The following MDGA2 variants were observed in gnomAD, a reference collection of about 807,000 sequenced individuals.
The protein encoded by MDGA2 is MAM domain containing glycosylphosphatidylinositol anchor 2, also known as MAM domain-containing glycosylphosphatidylinositol anchor protein 2.
MDGA2 carries 40 observed loss-of-function variants against 117.8 expected under a neutral mutation model. The ratio of observed to expected loss-of-function variants is 0.34; its 90% CI spans 0.26 to 0.44. The LOEUF (loss-of-function observed/expected upper bound fraction) is 0.44. MDGA2 is among the 20% of genes least tolerant of loss of function. The pLI, the probability that MDGA2 is intolerant of heterozygous loss-of-function variation, is 1.00. For missense variants in MDGA2, 1,123 were observed against 1,250.6 expected (o/e 0.90, Z 1.54); for synonymous variants, 452 against 439.0 (o/e 1.03, Z -0.37).
chr14:47,512,386 T>C (rs575566976), intron 1 of MDGA2, among the ~76,000 whole-genome samples: 4 of 152,178 alleles, frequency 2.6e-5, no homozygotes, highest in South Asian at 2.1e-4. Flanking sequence ...TTCCTCATTA[T>C]AAACATTTAA....
intron 2 of MDGA2, among the ~76,000 whole-genome samples, chr14:47,300,969 A>G (rs1889258896): frequency 1.3e-5 from 2 of 152,160 alleles, no homozygotes; most frequent in Non-Finnish European, 2.9e-5. Flanking sequence ...ACAAGGAGTA[A>G]GAAAAGTATG....
chr14:47,248,982 T>C (rs114034679), intron 2 of MDGA2, among the ~76,000 whole-genome samples: 4,775 of 114,924 alleles, frequency 0.042, 179 homozygotes, highest in East Asian at 0.2. Context: ...TTCTCTCTCT[T>C]TCTTTCTTTC....
At chr14:47,609,024 A>AG (rs1241474750) in intron 1 of MDGA2, among the ~76,000 whole-genome samples, 3 of 152,020 alleles carry the variant, frequency 2.0e-5, no homozygotes, top group Non-Finnish European at 4.4e-5. Flanking sequence ...AGGTCCAGTG[A>AG]GGGAAAATCA....
intron 1 of MDGA2, among the ~76,000 whole-genome samples, chr14:47,668,227 T>C (rs997099107): frequency 2.6e-5 from 4 of 152,130 alleles, no homozygotes. Context: ...GAAACTGATA[T>C]AGAAAAGCTG....
At chr14:47,422,305 T>G (rs1445003444) in intron 1 of MDGA2, among the ~76,000 whole-genome samples, 2 of 152,112 alleles carry the variant, frequency 1.3e-5, no homozygotes, top group Non-Finnish European at 2.9e-5. Context: ...GGGCTTTTCT[T>G]TAGGTTTTAA....
rs146074174 is a variant in MDGA2, at chr14:47,634,219, T to C, written c.280+40298A>G. Among the ~76,000 whole-genome samples the C allele has an allele frequency of 3.6e-3, 548 of 152,254 alleles. 6 individuals are homozygous for C. Among genetic ancestry groups the C allele is most frequent in the African/African-American group, 0.013 (523 of 41,550 alleles). ...AATAGAGGGGAAAAACTAAAATCTA[T>C]CTAGATTCAAAATGAATTTTGTATA... On this transcript the variant is annotated intron_variant, in intron 1 of 16. Transcript: ENST00000399232.
chr14:47,402,498 A>G (rs1460311729), intron 1 of MDGA2, among the ~76,000 whole-genome samples: 5 of 152,144 alleles, frequency 3.3e-5, no homozygotes, highest in Non-Finnish European at 1.5e-5. Flanking sequence ...TATCCTTCCA[A>G]TGAAATGCTA....
In MDGA2 at chr14:47,494,003, C is replaced by T. The variant is rs1894227502; in HGVS notation, c.280+180514G>A. ...AGGTCATAAGGTTGGTTCCCCCATG[C>T]TTTTCTTGTGACAGTAAGTGAGTTA... On this transcript the variant is annotated intron_variant, in intron 1 of 16. Coordinates refer to ENST00000399232, the MANE Select transcript of MDGA2 (RefSeq NM_001113498.3). 3.3e-5 allele frequency among the ~76,000 whole-genome samples: 5 copies of T among 152,212 alleles called. 2 individuals carry two copies. In the Middle Eastern group the frequency reaches 0.017, roughly 518 times the overall value.
At chr14:47,519,843 C>T (rs976929433) in intron 1 of MDGA2, among the ~76,000 whole-genome samples, 5 of 152,060 alleles carry the variant, frequency 3.3e-5, no homozygotes, top group African/African-American at 1.2e-4. Flanking sequence ...AAGAGATAAA[C>T]CAAGAGTCCA....
At chr14:47,537,320 G>A (rs1420534649) in intron 1 of MDGA2, among the ~76,000 whole-genome samples, 2 of 109,072 alleles carry the variant, frequency 1.8e-5, no homozygotes, top group Non-Finnish European at 3.6e-5. Context: ...GTGGGGGGAG[G>A]GGGGAGGGAT....
chr14:47,496,923 C>G lies in MDGA2; in HGVS notation c.280+177594G>C, dbSNP rs1048782318. On this transcript the variant is annotated intron_variant, in intron 1 of 16. Transcript: ENST00000399232. ...GTTTGGGGATGAAACTGTTCCACCT[C>G]AGATCATCAGGCATTAGATTCTCAT... is the stretch of plus-strand genomic sequence containing the variant. 5.3e-5 allele frequency among the ~76,000 whole-genome samples: 8 copies of G among 151,978 alleles called. 1 individual carries two copies. The highest frequency in any genetic ancestry group is 6.6e-5 in the Admixed American group (1 of 15,242).
At chr14:47,283,847 G>T (rs573725796) in intron 2 of MDGA2, among the ~76,000 whole-genome samples, 1 of 152,232 alleles carries the variant, frequency 6.6e-6, no homozygotes, top group South Asian at 2.1e-4. Context: ...AGTTACATTG[G>T]CTGTGCTTTT....
intron 9 of MDGA2, among the ~76,000 whole-genome samples, chr14:46,935,445 A>G (rs1884745467): frequency 6.6e-6 from 1 of 152,176 alleles, no homozygotes; most frequent in Non-Finnish European, 1.5e-5. Context: ...GCCATAAAAG[A>G]AGCATAAATG....
intron 1 of MDGA2, among the ~76,000 whole-genome samples, chr14:47,374,556 T>A (rs1216456796): frequency 6.6e-6 from 1 of 152,090 alleles, no homozygotes; most frequent in African/African-American, 2.4e-5. Context: ...AATATCTTTT[T>A]TTCAGTACAG....
chr14:47,032,002 C>G (rs1476578047), intron 8 of MDGA2, among the ~76,000 whole-genome samples: 1 of 152,134 alleles, frequency 6.6e-6, no homozygotes, highest in Non-Finnish European at 1.5e-5. Context: ...AGCAGTGCAA[C>G]AATAGACTAA....
intron 1 of MDGA2, among the ~76,000 whole-genome samples, chr14:47,368,512 A>G (rs936531847): frequency 5.9e-5 from 9 of 152,208 alleles, no homozygotes. Flanking sequence ...AGAGAATTAA[A>G]ATTCTGCATT....
chr14:47,143,244 TGA>T (rs1322430712), intron 4 of MDGA2, among the ~76,000 whole-genome samples: 7 of 152,202 alleles, frequency 4.6e-5, no homozygotes, highest in African/African-American at 1.4e-4. Context: ...CCCAAAATGC[TGA>T]GAGTACAGGC....
chr14:47,139,570 G>A (rs1468837823), intron 4 of MDGA2, among the ~76,000 whole-genome samples: 2 of 150,994 alleles, frequency 1.3e-5, no homozygotes, highest in Non-Finnish European at 3.0e-5. Flanking sequence ...ACGTCATGAA[G>A]CCACAAAGGT....
At chr14:46,962,488 A>G (rs947812145) in intron 8 of MDGA2, among the ~76,000 whole-genome samples, 1 of 152,224 alleles carries the variant, frequency 6.6e-6, no homozygotes, top group African/African-American at 2.4e-5. Flanking sequence ...CAAAGATGCC[A>G]TCAGAATTGA....
Sources: allele counts gnomAD v4.1 joint callset (sites outside exome capture counted in the v4.1 genomes callset), GRCh38; gene constraint gnomAD v4.1.1; transcripts MANE v1.5; gene names NCBI Gene and HGNC (gene_info 2026-07-23, HGNC 2026-07-21).